Variants in MAGI1 observed in about 807,000 individuals in gnomAD.
MAGI1 encodes membrane associated guanylate kinase, WW and PDZ domain containing 1, also known as membrane-associated guanylate kinase, WW and PDZ domain-containing protein 1.
Under a neutral mutation model 139.9 loss-of-function variants are expected in MAGI1, and 58 were observed. That is an observed-to-expected ratio of 0.41 (90% CI 0.34 to 0.52). The LOEUF is 0.52. Ranked by LOEUF, MAGI1 falls within the 20% of genes least tolerant of loss-of-function variation. MAGI1 has a pLI of 0.12. For synonymous variants in MAGI1, 812 were observed against 737.9 expected (o/e 1.10, Z -1.63); for missense variants, 1,874 against 1,901.6 (o/e 0.99, Z 0.27).
chr3:65,436,770 G>A (rs1438899864), intron 10 of MAGI1, among the ~76,000 whole-genome samples: 3 of 151,950 alleles, frequency 2.0e-5, no homozygotes, highest in African/African-American at 4.8e-5. Flanking sequence ...CAATTTCCTT[G>A]TCACAATGAG....
chr3:65,774,838 G>C (rs1345443185), intron 1 of MAGI1, among the ~76,000 whole-genome samples: 1 of 152,144 alleles, frequency 6.6e-6, no homozygotes, highest in Non-Finnish European at 1.5e-5. Flanking sequence ...ACTCGCCTTA[G>C]GCAATAGGGA....
At chr3:66,029,140 G>A (rs1181058998) in intron 1 of MAGI1, among the ~76,000 whole-genome samples, 2 of 152,152 alleles carry the variant, frequency 1.3e-5, no homozygotes, top group East Asian at 3.9e-4. Flanking sequence ...AAAGTGTAAA[G>A]CCTGCCTCTT....
chr3:65,382,775 G>A (rs942995097), intron 15 of MAGI1, among the ~76,000 whole-genome samples: 2 of 152,166 alleles, frequency 1.3e-5, no homozygotes, highest in African/African-American at 4.8e-5. Context: ...GTAGCTCTGC[G>A]ATCTTGGGCA....
intron 1 of MAGI1, among the ~76,000 whole-genome samples, chr3:65,660,072 G>A (rs1296965495): frequency 3.9e-5 from 6 of 152,212 alleles, no homozygotes; most frequent in Non-Finnish European, 8.8e-5. Context: ...TACATGTTGT[G>A]GGGCAAATAC....
chr3:65,379,659 C>A (rs574660674), intron 16 of MAGI1, 105 bp from the exon 17 acceptor site: 31 of 1,514,686 alleles, frequency 2.0e-5, no homozygotes, highest in African/African-American at 4.1e-5. Context: ...AAACGTGAAC[C>A]GAGGGGAGGA....
At chr3:65,719,285 A>G (rs552390594) in intron 1 of MAGI1, among the ~76,000 whole-genome samples, 15 of 149,644 alleles carry the variant, frequency 1.0e-4, no homozygotes, top group South Asian at 4.2e-4. Flanking sequence ...ATACACATAT[A>G]TGTGTGTGTG....
chr3:65,570,185 C>T (rs2080890538), intron 2 of MAGI1, among the ~76,000 whole-genome samples: 1 of 151,166 alleles, frequency 6.6e-6, no homozygotes, highest in African/African-American at 2.4e-5. Flanking sequence ...TTACTGCAAC[C>T]TCAGCCTCCT....
Position 65,694,602 on chromosome 3 carries a change from C to T in MAGI1, c.314-72514G>A, listed in dbSNP as rs180823500. Among the ~76,000 whole-genome samples, 113 of 152,282 alleles carry T rather than the reference C, an allele frequency of 7.4e-4. 1 individual carries two copies. Among genetic ancestry groups the T allele is most frequent in the Non-Finnish European group, 1.0e-3 (68 of 68,030 alleles). ...TTAATCAGGACAGTTTCGGCAACAC[C>T]AAAAGTTGATTCTGGCTAAGCCTTC... On this transcript the variant is annotated intron_variant, in intron 1 of 22. Transcript: ENST00000402939.
intron 1 of MAGI1, among the ~76,000 whole-genome samples, chr3:65,968,838 G>T (rs2064883297): frequency 6.6e-6 from 1 of 151,954 alleles, no homozygotes; most frequent in Non-Finnish European, 1.5e-5. Context: ...TTATTCATAG[G>T]AAATGTAATG....
At chr3:65,934,786 G>A (rs2062970759) in intron 1 of MAGI1, among the ~76,000 whole-genome samples, 2 of 149,804 alleles carry the variant, frequency 1.3e-5, no homozygotes, top group Admixed American at 1.3e-4. Flanking sequence ...TTTTTTTTAA[G>A]GGGAGGTTGT....
At chr3:65,713,082 T>C (rs1210926304) in intron 1 of MAGI1, among the ~76,000 whole-genome samples, 1 of 152,146 alleles carries the variant, frequency 6.6e-6, no homozygotes, top group Non-Finnish European at 1.5e-5. Flanking sequence ...AGACAGAAAG[T>C]CCTAGAGAGA....
chr3:65,811,866 T>G (rs563371387), intron 1 of MAGI1, among the ~76,000 whole-genome samples: 36 of 152,226 alleles, frequency 2.4e-4, no homozygotes, highest in Middle Eastern at 6.8e-3. Context: ...ACCAGCTAGT[T>G]GATTATAAAT....
intron 1 of MAGI1, among the ~76,000 whole-genome samples, chr3:65,679,232 A>G (rs2087405943): frequency 6.6e-6 from 1 of 152,232 alleles, no homozygotes; most frequent in African/African-American, 2.4e-5. Context: ...TGTGTTTGAT[A>G]TATGAATTCC....
intron 2 of MAGI1, among the ~76,000 whole-genome samples, chr3:65,611,554 T>A (rs1364049390): frequency 2.1e-5 from 3 of 144,730 alleles, no homozygotes; most frequent in Non-Finnish European, 4.5e-5. Context: ...CTATATACTG[T>A]ATATACACAT....
intron 1 of MAGI1, among the ~76,000 whole-genome samples, chr3:65,996,790 C>A (rs2107406218): frequency 6.6e-6 from 1 of 152,342 alleles, no homozygotes; most frequent in East Asian, 1.9e-4. Flanking sequence ...AGTTTCATAT[C>A]ATTCTTTCTA....
chr3:65,962,613 C>T (rs1483390058), intron 1 of MAGI1, among the ~76,000 whole-genome samples: 2 of 151,316 alleles, frequency 1.3e-5, no homozygotes, highest in African/African-American at 4.9e-5. Flanking sequence ...GGTGGGAAGA[C>T]TGCTTGAGGT....
At chr3:65,968,467 G>A (rs1287784107) in intron 1 of MAGI1, among the ~76,000 whole-genome samples, 1 of 152,088 alleles carries the variant, frequency 6.6e-6, no homozygotes, top group East Asian at 1.9e-4. Flanking sequence ...CCATCTTGGT[G>A]CTGATGGAAA....
At chr3:65,812,034 C>T (rs1025420534) in intron 1 of MAGI1, among the ~76,000 whole-genome samples, 6 of 151,778 alleles carry the variant, frequency 4.0e-5, no homozygotes, top group South Asian at 2.1e-4. Context: ...AAAAACTCGG[C>T]GGGAGAGGAG....
chr3:65,437,161 G>A lies in MAGI1; in HGVS notation c.1357C>T (p.Leu453Phe), dbSNP rs1484993146. The A allele has an allele frequency of 1.9e-6, 3 of 1,601,588 alleles. No individual in the cohort carries two copies. Among genetic ancestry groups the A allele is most frequent in the Non-Finnish European group, 2.6e-6 (3 of 1,169,532 alleles). Reference protein sequence around the residue: ...SNPEPAREVPLQGKPFFTRNP... With the variant: ...SNPEPAREVPFQGKPFFTRNP... The stretch of plus-strand genomic sequence containing the variant: ...AGAAAGACAAGTACTTTACCCTGAA[G>A]TGGAACTTCTCTGGCTGGCTCTGGA... The change falls in exon 10 of 23, where the codon CTT becomes TTT. Residue 453 changes from leucine (L) to phenylalanine (F), a missense_variant. By Grantham distance (22) the Leu-to-Phe change is conservative. Transcript: ENST00000402939.
Sources: allele counts gnomAD v4.1 joint callset (sites outside exome capture counted in the v4.1 genomes callset), GRCh38; gene constraint gnomAD v4.1.1; transcripts MANE v1.5; gene names NCBI Gene and HGNC (gene_info 2026-07-23, HGNC 2026-07-21).